The following ANKS1A variants were observed in gnomAD, a reference collection of about 807,000 sequenced individuals.
The protein encoded by ANKS1A is ankyrin repeat and SAM domain-containing protein 1A.
A neutral mutation model predicts 120.3 loss-of-function variants in ANKS1A; 55 were observed. The ratio of observed to expected loss-of-function variants is 0.46; its 90% confidence interval spans 0.37 to 0.57. The LOEUF is 0.57. Among genes scored for constraint, ANKS1A ranks in the 20% least tolerant of loss-of-function variants. ANKS1A has a pLI of 0.00. For synonymous variants in ANKS1A, 590 were observed against 604.7 expected (o/e 0.98, Z 0.36); for missense variants, 1,123 against 1,480.3 (o/e 0.76, Z 3.96).
chr6:35,014,842 C>T (rs1396404786), intron 10 of ANKS1A, among the ~76,000 whole-genome samples: 2 of 152,176 alleles, frequency 1.3e-5, no homozygotes, highest in Non-Finnish European at 2.9e-5. Context: ...AATGTGGTCC[C>T]AGAGATGGCA....
chr6:34,983,077 G>A (rs764895010), intron 5 of ANKS1A, 36 bp from the exon 6 acceptor site: 5 of 1,591,946 alleles, frequency 3.1e-6, no homozygotes, highest in South Asian at 2.2e-5. Context: ...GCTTGAAAAT[G>A]CTCACTCCCC....
intron 11 of ANKS1A, among the ~76,000 whole-genome samples, chr6:35,029,505 C>A (rs548029948): frequency 6.6e-6 from 1 of 151,576 alleles, no homozygotes; most frequent in South Asian, 2.1e-4. Flanking sequence ...CCTGCCACCA[C>A]GCCCAGCTAA....
chr6:35,032,559 A>G (rs2820235), intron 11 of ANKS1A, among the ~76,000 whole-genome samples: 151,924 of 152,346 alleles, frequency 1, 75,756 homozygotes, highest in East Asian at 1. Context: ...GGCCTCAGAA[A>G]GATGTGGGAT....
intron 11 of ANKS1A, among the ~76,000 whole-genome samples, chr6:35,021,330 G>A (rs2127561487): frequency 6.6e-6 from 1 of 152,298 alleles, no homozygotes; most frequent in African/African-American, 2.4e-5. Context: ...GTGAGACCTG[G>A]GGAGGGAGAA....
intron 1 of ANKS1A, among the ~76,000 whole-genome samples, chr6:34,926,992 G>A (rs1768749350): frequency 6.6e-6 from 1 of 152,200 alleles, no homozygotes; most frequent in Non-Finnish European, 1.5e-5. Flanking sequence ...TTCCTGCTGT[G>A]TGACCTTGGG....
At chr6:34,994,161 G>A in intron 9 of ANKS1A, 141 bp from the exon 10 acceptor site, 1 of 1,107,544 alleles carries the variant, frequency 9.0e-7, no homozygotes, top group Non-Finnish European at 1.3e-6. Flanking sequence ...GTGATTCTAT[G>A]TGACACTTGA....
intron 16 of ANKS1A, 90 bp from the exon 17 acceptor site, chr6:35,080,904 G>C: frequency 6.7e-7 from 1 of 1,490,734 alleles, no homozygotes; most frequent in Non-Finnish European, 9.1e-7. Flanking sequence ...GCCGCTGCCT[G>C]TGCCGTCCTA....
At chr6:34,951,743 T>C (rs1770102026) in intron 1 of ANKS1A, among the ~76,000 whole-genome samples, 1 of 152,242 alleles carries the variant, frequency 6.6e-6, no homozygotes, top group Admixed American at 6.5e-5. Context: ...AGTCAGTTTG[T>C]AGCAATACTT....
chr6:35,045,777 C>T (rs1442950130), intron 11 of ANKS1A, among the ~76,000 whole-genome samples: 1 of 152,174 alleles, frequency 6.6e-6, no homozygotes, highest in Non-Finnish European at 1.5e-5. Context: ...TGAGGAGGGA[C>T]TGGATCACCA....
chr6:34,983,469 A>G, intron 7 of ANKS1A, 44 bp downstream of exon 7: 1 of 1,474,200 alleles, frequency 6.8e-7, no homozygotes, highest in Non-Finnish European at 9.2e-7. Context: ...CTCAGCTTGA[A>G]AAGAGTTGAA....
Position 35,017,986 on chromosome 6 carries a change from A to G in ANKS1A, c.1937A>G (p.Glu646Gly). ...TEDATMGSRS[E>G]SLSNCSIGKK... Reference sequence around the variant, plus strand: ...GACGCTACCATGGGGAGTCGGAGTGAGTCCTTATCCAACTGCAGCATTGGG... The same window carrying G: ...GACGCTACCATGGGGAGTCGGAGTGGGTCCTTATCCAACTGCAGCATTGGG... The change falls in exon 11 of 24, where the codon GAG (glutamate) becomes GGG (glycine). Residue 646 changes from glutamate (E) to glycine (G), a missense_variant. Around this residue, in one of 3 missense-constraint regions of ANKS1A, gnomAD observed 904 missense variants for 1,130.4 expected, o/e 0.80. Coordinates refer to ENST00000360359, the MANE Select transcript of ANKS1A (RefSeq NM_015245.3). The G allele has an allele frequency of 1.9e-6, 3 of 1,614,190 alleles. No homozygotes were observed. The highest frequency in any genetic ancestry group is 2.5e-6 in the Non-Finnish European group (3 of 1,180,026).
At chr6:35,027,588 C>G (rs1774694898) in intron 11 of ANKS1A, among the ~76,000 whole-genome samples, 1 of 152,160 alleles carries the variant, frequency 6.6e-6, no homozygotes, top group South Asian at 2.1e-4. Context: ...TTATGTAAGA[C>G]TCTGAGAAAA....
chr6:34,907,788 G>A (rs1334396120), intron 1 of ANKS1A, among the ~76,000 whole-genome samples: 1 of 152,214 alleles, frequency 6.6e-6, no homozygotes, highest in Non-Finnish European at 1.5e-5. Context: ...CAGTTGGGAG[G>A]TATAGATAGC....
rs1777931584 is a variant in ANKS1A, at chr6:35,085,740, T to G, written c.3133-26T>G. On this transcript the variant is annotated intron_variant, in intron 21 of 23. Coordinates refer to ENST00000360359, the MANE Select transcript of ANKS1A (RefSeq NM_015245.3). This position sits in a 1 kb window ranked among gnomAD's most constrained non-coding sequence, Gnocchi z 4.7. ...GTGAAGCGGCTCCTGAACCAGGTGC[T>G]TAAGTGGTGATCTGCTTCCTCCCAG... is the stretch of plus-strand genomic sequence containing the variant. 6.4e-7 allele frequency: 1 copy of G among 1,557,290 alleles called. No homozygotes were observed. The highest frequency in any genetic ancestry group is 8.7e-7 in the Non-Finnish European group (1 of 1,152,176).
chr6:34,978,198 T>C (rs922047356), intron 3 of ANKS1A, among the ~76,000 whole-genome samples: 2 of 152,118 alleles, frequency 1.3e-5, no homozygotes, highest in African/African-American at 4.8e-5. Flanking sequence ...CCTCATGATC[T>C]GCCCACTTCG....
At chr6:34,994,493 G>A (rs1258337622) in intron 10 of ANKS1A, 71 bp downstream of exon 10, 12 of 1,571,664 alleles carry the variant, frequency 7.6e-6, no homozygotes, top group Non-Finnish European at 1.0e-5. Flanking sequence ...CTGAGTGGAA[G>A]GGGAAGATGT....
At chr6:34,905,118 G>C (rs1007017622) in intron 1 of ANKS1A, among the ~76,000 whole-genome samples, 1 of 152,218 alleles carries the variant, frequency 6.6e-6, no homozygotes, top group Non-Finnish European at 1.5e-5. Flanking sequence ...GTCAACGTCT[G>C]ATTTTCTATT....
intron 1 of ANKS1A, among the ~76,000 whole-genome samples, chr6:34,892,634 C>T (rs1419396990): frequency 6.6e-6 from 1 of 152,082 alleles, no homozygotes; most frequent in Non-Finnish European, 1.5e-5. Context: ...TAAAAAATGC[C>T]CTCTTCTCTT....
At chr6:34,968,269 T>C (rs1770994993) in intron 2 of ANKS1A, among the ~76,000 whole-genome samples, 2 of 152,160 alleles carry the variant, frequency 1.3e-5, no homozygotes, top group African/African-American at 4.8e-5. Flanking sequence ...GCTTAAGTGA[T>C]TGGGCACTGC....
Sources: gnomAD v4.1 joint callset for allele counts (sites outside exome capture counted in the v4.1 genomes callset) on GRCh38, gnomAD v4.1.1 for gene constraint, gnomAD v4.1.1 regional missense constraint, Gnocchi (gnomAD v3.1) non-coding constraint, MANE v1.5 for transcripts, NCBI Gene and HGNC (gene_info 2026-07-23, HGNC 2026-07-21) for gene names.